TGFBR3: variants seen among roughly 807,000 people sequenced by gnomAD.
TGFBR3 encodes transforming growth factor beta receptor type 3.
TGFBR3 carries 46 observed loss-of-function variants against 87.9 expected under a neutral mutation model. That is an observed-to-expected ratio of 0.52 (90% CI 0.41 to 0.67). The LOEUF (loss-of-function observed/expected upper bound fraction) is 0.67. Ranked by LOEUF, TGFBR3 falls within the 30% of genes least tolerant of loss-of-function variation. The pLI, the probability that TGFBR3 is intolerant of heterozygous loss-of-function variation, is 0.00. For synonymous variants in TGFBR3, 381 were observed against 391.6 expected, an observed-to-expected ratio of 0.97 and a Z score of 0.32; for missense variants, 866 against 1,041.9, an observed-to-expected ratio of 0.83 and a Z score of 2.32.
Position 91,885,918 on chromosome 1 carries a change from G to A in TGFBR3, c.-154C>T, listed in dbSNP as rs543411847. 2.5e-5 allele frequency: 11 copies of A among 441,422 alleles called. No homozygotes were observed. The Admixed American group carries it at 2.6e-4, about 11-fold the overall frequency. 27.3% of individuals were successfully genotyped at this position (441,422 alleles called of 1,614,324 possible). ...TCCAGCGGAGATCCACCCGCAGCAAGTTGGAGGAAAGCGGCGGCAAGTTTC... is the reference window on the plus strand; with the variant it reads ...TCCAGCGGAGATCCACCCGCAGCAAATTGGAGGAAAGCGGCGGCAAGTTTC... On this transcript the variant is annotated 5_prime_UTR_variant, in exon 1 of 17. Transcript: ENST00000212355.
intron 1 of TGFBR3, among the ~76,000 whole-genome samples, chr1:91,883,118 T>G (rs1016244411): frequency 9.2e-5 from 14 of 152,210 alleles, no homozygotes; most frequent in African/African-American, 3.4e-4. Context: ...GGATTTCCAT[T>G]TCTCCCAGGT....
rs79183449 is a variant in TGFBR3, at chr1:91,732,711, G to C, written c.568+2065C>G. On this transcript the variant is annotated intron_variant, in intron 5 of 16. Transcript: ENST00000212355. Reference sequence around the variant, plus strand: ...GTGACTCATACTCAACTGGTGGCTGGAGTCAAGTTTCAGGGGTTCCGAAGG... The same window carrying C: ...GTGACTCATACTCAACTGGTGGCTGCAGTCAAGTTTCAGGGGTTCCGAAGG... Among the ~76,000 whole-genome samples the C allele has an allele frequency of 4.8e-3, 732 of 152,226 alleles. 40 individuals are homozygous for C. In the East Asian group the frequency reaches 0.13, roughly 26 times the overall value.
At chr1:91,730,704 T>C (rs1228959061) in intron 5 of TGFBR3, among the ~76,000 whole-genome samples, 4 of 152,318 alleles carry the variant, frequency 2.6e-5, no homozygotes, top group African/African-American at 9.6e-5. Context: ...CGACACCCCA[T>C]GTAGAATTAA....
rs1319375520 is a variant in TGFBR3, at chr1:91,682,062, C to T, written c.*1677G>A. ...TCCTTATTGAAAAAAAAAAATGTTC[C>T]TTATTGAATGTGTATATCTATCAGG... is the stretch of plus-strand genomic sequence containing the variant. On this transcript the variant is annotated 3_prime_UTR_variant, in exon 17 of 17. Coordinates refer to ENST00000212355, the MANE Select transcript of TGFBR3 (RefSeq NM_003243.5). 4.4e-6 allele frequency: 2 copies of T among 453,438 alleles called. No individual in the cohort carries two copies. Among genetic ancestry groups the T allele is most frequent in the Non-Finnish European group, 8.8e-6 (2 of 226,642 alleles). The allele number at this position is 453,438 out of a possible 1,614,324, so 28.1% of individuals were successfully genotyped here.
At chr1:91,860,527 C>CAAAT (rs1210144875) in intron 2 of TGFBR3, among the ~76,000 whole-genome samples, 2 of 152,166 alleles carry the variant, frequency 1.3e-5, no homozygotes, top group African/African-American at 2.4e-5. Context: ...TAAGTAACCC[C>CAAAT]TCACAGTAAA....
At chr1:91,740,230 T>C (rs1673114544) in intron 4 of TGFBR3, among the ~76,000 whole-genome samples, 1 of 151,632 alleles carries the variant, frequency 6.6e-6, no homozygotes, top group African/African-American at 2.4e-5. Context: ...CGGCTAATTT[T>C]TGTATTATTA....
chr1:91,719,444 C>T lies in TGFBR3; in HGVS notation c.1434G>A (p.Met478Ile). The T allele has an allele frequency of 6.2e-7, 1 of 1,614,116 alleles. No homozygotes were observed. The highest frequency in any genetic ancestry group is 1.1e-5 in the South Asian group (1 of 91,076). Residue 478 changes from methionine to isoleucine, a missense_variant, in exon 10 of 17, where the codon ATG (methionine) becomes ATA (isoleucine). Physicochemically the swap from Met to Ile is conservative, Grantham distance 10. Coordinates refer to ENST00000212355, the MANE Select transcript of TGFBR3 (RefSeq NM_003243.5). Reference protein sequence around the residue: ...DSFQASGYSGMDVTLLDPTCK... With the variant: ...DSFQASGYSGIDVTLLDPTCK... ...AGGTAGGATCCAACAGGGTGACGTC[C>T]ATCCCCGAGTAGCCACTGGCCTAAA...
intron 1 of TGFBR3, among the ~76,000 whole-genome samples, chr1:91,863,006 G>C (rs1678257714): frequency 6.6e-6 from 1 of 152,142 alleles, no homozygotes; most frequent in African/African-American, 2.4e-5. Flanking sequence ...TTAATTTATT[G>C]CATCAAGTGA....
chr1:91,835,645 G>A (rs1485000361), intron 2 of TGFBR3, among the ~76,000 whole-genome samples: 9 of 151,756 alleles, frequency 5.9e-5, no homozygotes, highest in Admixed American at 6.6e-5. Context: ...TGGCTAACAC[G>A]GTGAAACCCC....
At chr1:91,886,353 A>T (rs1419029519), upstream of TGFBR3, 4 of 359,542 alleles carry the variant, frequency 1.1e-5, no homozygotes, top group South Asian at 6.2e-5. Context: ...TCCGCGGCTG[A>T]TGGATGAGCC....
chr1:91,862,265 A>T (rs1187119699), intron 1 of TGFBR3, among the ~76,000 whole-genome samples: 2 of 152,260 alleles, frequency 1.3e-5, no homozygotes, highest in African/African-American at 4.8e-5. Context: ...GTACCAAAGT[A>T]ATCAATGACA....
chr1:91,719,101 C>G (rs1480117603), intron 10 of TGFBR3, among the ~76,000 whole-genome samples: 1 of 152,152 alleles, frequency 6.6e-6, no homozygotes, highest in Non-Finnish European at 1.5e-5. Flanking sequence ...GAAAACAGGC[C>G]TTCCAATTCC....
At chr1:91,854,620 A>C (rs1250827063) in intron 2 of TGFBR3, among the ~76,000 whole-genome samples, 2 of 152,238 alleles carry the variant, frequency 1.3e-5, no homozygotes, top group Non-Finnish European at 2.9e-5. Flanking sequence ...ACCACAAAAA[A>C]TGATAAGTGT....
Position 91,797,391 on chromosome 1 carries a change from C to G in TGFBR3, c.142G>C (p.Val48Leu). The change falls in exon 3 of 17, where the codon GTT becomes CTT. Residue 48 changes from valine to leucine, a missense_variant. Coordinates refer to ENST00000212355, the MANE Select transcript of TGFBR3 (RefSeq NM_003243.5). ...CCTCTGCTGGCACAGCCTGACAAAA[C>G]AGTGAAGCTCTCCATCAAGGCCTGG... The part of the protein sequence containing the change: ...PVQALMESFT[V>L]LSGCASRGTT... 1 of 1,614,230 alleles carries G rather than the reference C, an allele frequency of 6.2e-7. No individual in the cohort carries two copies. The highest frequency in any genetic ancestry group is 8.5e-7 in the Non-Finnish European group (1 of 1,180,038).
chr1:91,843,050 C>T (rs751413227), intron 2 of TGFBR3, among the ~76,000 whole-genome samples: 3 of 152,160 alleles, frequency 2.0e-5, no homozygotes, highest in African/African-American at 4.8e-5. Flanking sequence ...GTCTGTTTAA[C>T]AGCAACATTA....
intron 1 of TGFBR3, among the ~76,000 whole-genome samples, chr1:91,885,299 A>C (rs1279360806): frequency 6.6e-6 from 1 of 150,428 alleles, no homozygotes; most frequent in African/African-American, 2.4e-5. Context: ...GCGACAGTCC[A>C]AGATTTCCAA....
At chr1:91,696,987 T>C (rs911352901) in intron 15 of TGFBR3, among the ~76,000 whole-genome samples, 1 of 152,140 alleles carries the variant, frequency 6.6e-6, no homozygotes, top group Non-Finnish European at 1.5e-5. Context: ...CCTGTGCTCT[T>C]TGGTGTGTTC....
chr1:91,825,719 G>A (rs376816216), intron 2 of TGFBR3, among the ~76,000 whole-genome samples: 3 of 152,176 alleles, frequency 2.0e-5, no homozygotes, highest in Admixed American at 1.3e-4. Context: ...AGTGGCTCAC[G>A]CCTGTAATCC....
chr1:91,882,219 C>T (rs1027499339), intron 1 of TGFBR3, among the ~76,000 whole-genome samples: 1 of 149,696 alleles, frequency 6.7e-6, no homozygotes, highest in Non-Finnish European at 1.5e-5. Context: ...TCACTGAAAC[C>T]TCCACCTCCT....
Sources: allele counts gnomAD v4.1 joint callset (sites outside exome capture counted in the v4.1 genomes callset), GRCh38; gene constraint gnomAD v4.1.1; transcripts MANE v1.5; gene names NCBI Gene and HGNC (gene_info 2026-07-23, HGNC 2026-07-21).